Variants in KCNG3 observed in about 807,000 individuals in gnomAD.
The protein encoded by KCNG3 is potassium voltage-gated channel modifier subfamily G member 3.
Under a neutral mutation model 29.0 loss-of-function variants are expected in KCNG3, and 15 were observed. The observed-to-expected ratio is 0.52, with a 90% CI of 0.35 to 0.80. The LOEUF is 0.80. Ranked by LOEUF, KCNG3 falls within the 30% of genes least tolerant of loss-of-function variation. KCNG3 has a pLI of 0.01. For synonymous variants in KCNG3, 322 were observed against 248.9 expected, an observed-to-expected ratio of 1.29 and a Z score of -2.76; for missense variants, 512 against 605.7, an observed-to-expected ratio of 0.85 and a Z score of 1.62.
At chr2:42,426,462 G>T in the KCNG3 span, among the ~76,000 whole-genome samples, 1 of 152,122 alleles carries the variant, frequency 6.6e-6, no homozygotes, top group African/African-American at 2.4e-5. Flanking sequence ...ATATACAATG[G>T]CCATTAAGGA....
At chr2:42,438,323 T>C (rs984488828), downstream of KCNG3, among the ~76,000 whole-genome samples, 1 of 152,200 alleles carries the variant, frequency 6.6e-6, no homozygotes, top group African/African-American at 2.4e-5. Context: ...ATAGAATTAT[T>C]TCCAAATAAC....
At chr2:42,397,115 G>C in the KCNG3 span, among the ~76,000 whole-genome samples, 32 of 152,062 alleles carry the variant, frequency 2.1e-4, no homozygotes, top group East Asian at 1.4e-3. Context: ...CGTGGTGGCA[G>C]ACACCTGTAA....
At chr2:42,428,814 G>C in the KCNG3 span, among the ~76,000 whole-genome samples, 1 of 152,070 alleles carries the variant, frequency 6.6e-6, no homozygotes, top group Non-Finnish European at 1.5e-5. Flanking sequence ...GCCTCCTGCT[G>C]ATTCCTACAG....
At chr2:42,423,768 G>A in the KCNG3 span, among the ~76,000 whole-genome samples, 1 of 150,516 alleles carries the variant, frequency 6.6e-6, no homozygotes, top group Non-Finnish European at 1.5e-5. Flanking sequence ...CCACATATGT[G>A]GCTAGAGCCT....
the KCNG3 span, among the ~76,000 whole-genome samples, chr2:42,420,080 C>T: frequency 6.6e-6 from 1 of 151,984 alleles, no homozygotes; most frequent in African/African-American, 2.4e-5. Context: ...AAAAATTAGC[C>T]GGGCATGGTG....
At chr2:42,421,370 A>C in the KCNG3 span, among the ~76,000 whole-genome samples, 1 of 152,226 alleles carries the variant, frequency 6.6e-6, no homozygotes. Flanking sequence ...CTAATCTATT[A>C]TAGGGTTCAG....
At chr2:42,455,689 G>C (rs1181464883) in intron 1 of KCNG3, among the ~76,000 whole-genome samples, 2 of 151,986 alleles carry the variant, frequency 1.3e-5, no homozygotes, top group African/African-American at 4.8e-5. Context: ...GGATCACTTG[G>C]GCCCAGGAGC....
At chr2:42,447,461 A>G (rs938924866) in intron 1 of KCNG3, among the ~76,000 whole-genome samples, 7 of 152,054 alleles carry the variant, frequency 4.6e-5, no homozygotes, top group Non-Finnish European at 1.0e-4. Flanking sequence ...CACTGAATGT[A>G]CTGTGATTTA....
chr2:42,448,760 C>T (rs753202780), intron 1 of KCNG3, among the ~76,000 whole-genome samples: 42 of 152,218 alleles, frequency 2.8e-4, no homozygotes, highest in Middle Eastern at 6.8e-3. Flanking sequence ...GAGGCCGAAG[C>T]GGGCGGATCA....
At chr2:42,414,736 C>G in the KCNG3 span, among the ~76,000 whole-genome samples, 11 of 152,216 alleles carry the variant, frequency 7.2e-5, no homozygotes, top group East Asian at 1.5e-3. Context: ...TCAGTCTATC[C>G]TCCATGACAT....
At chr2:42,423,317 T>G in the KCNG3 span, among the ~76,000 whole-genome samples, 7 of 152,352 alleles carry the variant, frequency 4.6e-5, no homozygotes, top group East Asian at 1.2e-3. Flanking sequence ...CTTGACACAG[T>G]TGACAGAGTA....
chr2:42,454,769 C>T (rs1336647726), intron 1 of KCNG3, among the ~76,000 whole-genome samples: 3 of 151,806 alleles, frequency 2.0e-5, no homozygotes, highest in Non-Finnish European at 4.4e-5. Flanking sequence ...GAAGACATTA[C>T]GTTAAGTGAA....
At chr2:42,438,616 C>G (rs1163699394), downstream of KCNG3, among the ~76,000 whole-genome samples, 1 of 152,170 alleles carries the variant, frequency 6.6e-6, no homozygotes, top group African/African-American at 2.4e-5. Flanking sequence ...TGCAGATTAT[C>G]AAGTTCAATT....
chr2:42,391,961 C>T, the KCNG3 span, among the ~76,000 whole-genome samples: 3 of 152,290 alleles, frequency 2.0e-5, no homozygotes, highest in African/African-American at 7.2e-5. Context: ...TTTTACGGTG[C>T]CAGGCACTCA....
chr2:42,459,435 C>A (rs537905135), intron 1 of KCNG3, among the ~76,000 whole-genome samples: 21 of 152,166 alleles, frequency 1.4e-4, no homozygotes, highest in Admixed American at 2.0e-4. Context: ...AAAGGAGGCA[C>A]GAAATGTGCA....
the KCNG3 span, among the ~76,000 whole-genome samples, chr2:42,405,858 G>A: frequency 3.9e-5 from 6 of 151,950 alleles, no homozygotes; most frequent in South Asian, 2.1e-4. Context: ...TGCCCGCCTC[G>A]GCCTCCCAAA....
At chr2:42,476,321 CA>C (rs1673424819) in intron 1 of KCNG3, among the ~76,000 whole-genome samples, 2 of 150,962 alleles carry the variant, frequency 1.3e-5, no homozygotes, top group South Asian at 4.2e-4. Flanking sequence ...AAAAAAAATA[CA>C]AAAAATTAGC....
chr2:42,472,752 G>A (rs1673319695), intron 1 of KCNG3, among the ~76,000 whole-genome samples: 1 of 151,156 alleles, frequency 6.6e-6, no homozygotes, highest in Non-Finnish European at 1.5e-5. Context: ...TACCCGCCTC[G>A]GCCTCCCAAA....
At chr2:42,473,977 C>T (rs561348092) in intron 1 of KCNG3, among the ~76,000 whole-genome samples, 228 of 151,704 alleles carry the variant, frequency 1.5e-3, no homozygotes, top group African/African-American at 5.3e-3. Flanking sequence ...CATGGTGAAA[C>T]CCCGTCTCTA....
Sources: gnomAD v4.1 joint callset for allele counts (sites outside exome capture counted in the v4.1 genomes callset) on GRCh38, gnomAD v4.1.1 for gene constraint, MANE v1.5 for transcripts, NCBI Gene and HGNC (gene_info 2026-07-23, HGNC 2026-07-21) for gene names.